Variants in EBF3 observed in about 807,000 individuals in gnomAD.
EBF3 encodes the protein EBF transcription factor 3.
EBF3 carries 18 observed loss-of-function variants against 77.1 expected under a neutral mutation model. That is an observed-to-expected ratio of 0.23 (90% CI 0.16 to 0.35). The LOEUF (loss-of-function observed/expected upper bound fraction) is 0.35, where lower values mean the gene tolerates loss of function less well. Ranked by LOEUF, EBF3 falls within the 10% of genes least tolerant of loss-of-function variation. The pLI, the probability that EBF3 is intolerant of heterozygous loss-of-function variation, is 1.00. For missense variants in EBF3, 558 were observed against 860.0 expected (o/e 0.65, Z 4.39); for synonymous variants, 350 against 343.5 (o/e 1.02, Z -0.21).
At chr10:129,923,747 C>T (rs539324199) in intron 6 of EBF3, among the ~76,000 whole-genome samples, 8 of 152,026 alleles carry the variant, frequency 5.3e-5, no homozygotes, top group Non-Finnish European at 1.0e-4. Context: ...TTCTTGGCTA[C>T]GGCACCAAAG....
At chr10:129,892,248 G>C (rs1854070335) in intron 6 of EBF3, among the ~76,000 whole-genome samples, 1 of 152,262 alleles carries the variant, frequency 6.6e-6, no homozygotes, top group African/African-American at 2.4e-5. Context: ...CCAGGAGGCG[G>C]TGCTGGGGTG....
rs1391144910 is a variant in EBF3 at position 129,947,995 on chromosome 10, A to T, written c.554+9263T>A. Among the ~76,000 whole-genome samples, 1 of 152,154 alleles carries T rather than the reference A, an allele frequency of 6.6e-6. No individual in the cohort carries two copies. The highest frequency in any genetic ancestry group is 2.4e-5 in the African/African-American group (1 of 41,430). On this transcript the variant is annotated intron_variant, in intron 6 of 16. Transcript: ENST00000440978. The surrounding 1 kb of genome is among the most constrained non-coding windows in gnomAD (Gnocchi z 4.5). ...GTCTGGGTGAGGCACGGTGGCTCAC[A>T]TCTGTAATCCTAGCACTTTGGGAGG...
intron 6 of EBF3, among the ~76,000 whole-genome samples, chr10:129,953,185 AGGGGGGGC>A (rs1858799792): frequency 6.6e-6 from 1 of 150,686 alleles, no homozygotes; most frequent in Admixed American, 6.6e-5. Flanking sequence ...TGTGCAGGGT[AGGGGGGGC>A]GCAGAGCTGA....
At position 129,963,582 on chromosome 10, in the gene EBF3, G is replaced by A. The variant is rs1168353222; in HGVS notation, c.134+53C>T. 1.1e-5 allele frequency: 13 copies of A among 1,231,762 alleles called. No homozygotes were observed. Among genetic ancestry groups the A allele is most frequent in the Admixed American group, 4.7e-5 (1 of 21,212 alleles). The allele number at this position is 1,231,762 out of a possible 1,614,324, so 76.3% of individuals were successfully genotyped here. On this transcript the variant is annotated intron_variant, in intron 1 of 16. Transcript: ENST00000440978. The surrounding 1 kb of genome is among the most constrained non-coding windows in gnomAD (Gnocchi z 7.1). ...AGCGCGGCGCCGGCCGGCGGAGGGG[G>A]CCGGGCCGGGCCGGGGCCGGGGCCA...
At chr10:129,957,597 ATGT>A (rs1447872412) in intron 5 of EBF3, among the ~76,000 whole-genome samples, 1 of 152,170 alleles carries the variant, frequency 6.6e-6, no homozygotes. Flanking sequence ...TATGGAAAAC[ATGT>A]TGTCGGTGTT....
At position 129,867,041 on chromosome 10, in the gene EBF3, C is replaced by T. The variant is rs1399009276; in HGVS notation, c.1039+100G>A. On this transcript the variant is annotated intron_variant, in intron 10 of 16. Coordinates refer to ENST00000440978, the MANE Select transcript of EBF3 (RefSeq NM_001375380.1). ...GGCTTTGTCTGTCTTTCCACAGACCCCTGCCCTCTCTGTACAGTCCTCCCG... is the reference window on the plus strand; with the variant it reads ...GGCTTTGTCTGTCTTTCCACAGACCTCTGCCCTCTCTGTACAGTCCTCCCG... 5 of 1,446,474 alleles carry T rather than the reference C, an allele frequency of 3.5e-6. No homozygotes were observed. In the Admixed American group the frequency reaches 1.3e-4, roughly 39 times the overall value. The allele number at this position is 1,446,474 out of a possible 1,614,324, so 89.6% of individuals were successfully genotyped here. A position where few individuals can be genotyped will look rare whatever the true frequency, so the allele number is the denominator to read the frequency against.
chr10:129,874,720 T>C (rs1852632871), intron 7 of EBF3, among the ~76,000 whole-genome samples: 1 of 152,170 alleles, frequency 6.6e-6, no homozygotes, highest in Admixed American at 6.5e-5. Flanking sequence ...CTACAGAGAA[T>C]TGTGCGGTGG....
chr10:129,963,407 A>G lies in EBF3; in HGVS notation c.251T>C (p.Ile84Thr), dbSNP rs774611813. 1 of 1,591,164 alleles carries G rather than the reference A, an allele frequency of 6.3e-7. No individual in the cohort carries two copies. Among genetic ancestry groups the G allele is most frequent in the Non-Finnish European group, 8.6e-7 (1 of 1,168,660 alleles). Residue 84 changes from isoleucine (I) to threonine (T), a missense_variant, in exon 2 of 17, where the codon ATT becomes ACT. By Grantham distance (89) the Ile-to-Thr change is moderately conservative. This residue lies in a region of EBF3 where 84 missense variants were observed against 142.3 expected (regional missense o/e 0.59). Coordinates refer to ENST00000440978, the MANE Select transcript of EBF3 (RefSeq NM_001375380.1). This position sits in a 1 kb window ranked among gnomAD's most constrained non-coding sequence, Gnocchi z 7.1. ...LYDRQGQPVE[I>T]ERTAFVDFVE... ...AAAGTCCACAAAAGCGGTCCTTTCA[A>G]TCTCCACCGGCTGCCCCTGCCTATC...
intron 6 of EBF3, among the ~76,000 whole-genome samples, chr10:129,945,903 T>C (rs1858177769): frequency 6.6e-6 from 1 of 152,138 alleles, no homozygotes; most frequent in South Asian, 2.1e-4. Flanking sequence ...AGTTAAGACA[T>C]TGTTTCTCTG....
At chr10:129,866,397 G>A (rs577614818) in intron 10 of EBF3, among the ~76,000 whole-genome samples, 2 of 152,310 alleles carry the variant, frequency 1.3e-5, no homozygotes, top group Admixed American at 6.5e-5. Flanking sequence ...TCACAGGTGT[G>A]AGCCAACATG....
intron 6 of EBF3, among the ~76,000 whole-genome samples, 186 bp downstream of exon 6, chr10:129,957,072 A>G (rs1335889045): frequency 6.6e-6 from 1 of 152,168 alleles, no homozygotes; most frequent in Non-Finnish European, 1.5e-5. Flanking sequence ...ATCCCCACAG[A>G]GCGAGCCACC....
intron 10 of EBF3, among the ~76,000 whole-genome samples, chr10:129,866,384 G>A (rs975847846): frequency 4.6e-5 from 7 of 152,156 alleles, no homozygotes; most frequent in Non-Finnish European, 8.8e-5. Flanking sequence ...CAAAGTGTTG[G>A]GATCACAGGT....
Position 129,840,378 on chromosome 10 carries a change from T to G in EBF3, c.1626A>C (p.Thr542=). 3 of 1,556,274 alleles carry G rather than the reference T, an allele frequency of 1.9e-6. No homozygotes were observed. The highest frequency in any genetic ancestry group is 2.6e-6 in the Non-Finnish European group (3 of 1,149,046). The change falls in exon 15 of 17, where the codon ACA becomes ACC. Residue 542 remains threonine, a synonymous_variant. Coordinates refer to ENST00000440978, the MANE Select transcript of EBF3 (RefSeq NM_001375380.1). ...CAGGTGAGAATGAGAAAATGCCGTG[T>G]GTGCTGCTACAGTTTGAAGGGAGGG... ...SVTLPSNCSS[T]HGIFSFSPAN... is the part of the protein sequence containing the mutation.
chr10:129,953,056 G>GAAGA (rs1049616348), intron 6 of EBF3, among the ~76,000 whole-genome samples: 2 of 149,446 alleles, frequency 1.3e-5, no homozygotes, highest in Non-Finnish European at 3.0e-5. Context: ...AGAAGAAGAA[G>GAAGA]AAGAAAGAAA....
At chr10:129,852,817 AC>A (rs1850987449) in intron 10 of EBF3, among the ~76,000 whole-genome samples, 2 of 152,294 alleles carry the variant, frequency 1.3e-5, no homozygotes, top group South Asian at 2.1e-4. Context: ...CCTGCACCAA[AC>A]ATTTTATCAA....
rs1431344213 is a variant in EBF3, at chr10:129,879,633, C to T, written c.555-1784G>A. Among the ~76,000 whole-genome samples the T allele has an allele frequency of 6.6e-6, 1 of 152,200 alleles. No individual in the cohort carries two copies. Among genetic ancestry groups the T allele is most frequent in the Non-Finnish European group, 1.5e-5 (1 of 68,036 alleles). ...ATTTACATCTTTTATTAACTCACCT[C>T]ACCTATACACTTAGCTCACAATGCC... On this transcript the variant is annotated intron_variant, in intron 6 of 16. Coordinates refer to ENST00000440978, the MANE Select transcript of EBF3 (RefSeq NM_001375380.1). The surrounding 1 kb of genome is among the most constrained non-coding windows in gnomAD (Gnocchi z 4.7).
intron 6 of EBF3, among the ~76,000 whole-genome samples, chr10:129,930,100 G>A (rs1031563721): frequency 6.6e-6 from 1 of 152,174 alleles, no homozygotes; most frequent in Non-Finnish European, 1.5e-5. Flanking sequence ...TCAGGCTCCA[G>A]GCCTTTGCAC....
chr10:129,940,873 C>G (rs1028880972), intron 6 of EBF3, among the ~76,000 whole-genome samples: 1 of 152,174 alleles, frequency 6.6e-6, no homozygotes, highest in African/African-American at 2.4e-5. Context: ...ATCCCACACT[C>G]GATCCTCCCA....
chr10:129,903,103 C>T (rs1854903081), intron 6 of EBF3, among the ~76,000 whole-genome samples: 1 of 152,228 alleles, frequency 6.6e-6, no homozygotes, highest in Non-Finnish European at 1.5e-5. Flanking sequence ...GTCATACACA[C>T]GTTTCACCTT....
Sources: allele counts gnomAD v4.1 joint callset (sites outside exome capture counted in the v4.1 genomes callset), GRCh38; gene constraint gnomAD v4.1.1; regional missense constraint gnomAD v4.1.1; non-coding constraint Gnocchi (gnomAD v3.1); transcripts MANE v1.5; gene names NCBI Gene and HGNC (gene_info 2026-07-23, HGNC 2026-07-21).